Variants in DTNBP1 observed in about 807,000 individuals in gnomAD.
DTNBP1 encodes the protein dysbindin.
A neutral mutation model predicts 42.8 loss-of-function variants in DTNBP1; 35 were observed. That is an observed-to-expected ratio of 0.82 (90% CI 0.63 to 1.09). The LOEUF (loss-of-function observed/expected upper bound fraction) is 1.09. DTNBP1 is among the 50% of genes least tolerant of loss of function. The probability of loss-of-function intolerance (pLI) is 0.00; values close to 1 mark genes in which losing one functional copy is unlikely to be tolerated. For missense variants in DTNBP1, 457 were observed against 424.2 expected, an observed-to-expected ratio of 1.08 and a Z score of -0.68; for synonymous variants, 171 against 162.2, an observed-to-expected ratio of 1.05 and a Z score of -0.41.
chr6:15,650,215 TGGCACATTA>T (rs1446952654), intron 3 of DTNBP1, among the ~76,000 whole-genome samples: 2 of 152,224 alleles, frequency 1.3e-5, no homozygotes, highest in Non-Finnish European at 2.9e-5. Flanking sequence ...ATCTGTCAAA[TGGCACATTA>T]GTAAGCACAG....
chr6:15,533,610 T>C (rs1408455694), intron 7 of DTNBP1: 6 of 723,250 alleles, frequency 8.3e-6, no homozygotes, highest in Non-Finnish European at 1.2e-5. Flanking sequence ...AGGCCCTTCG[T>C]TCCACACCTT....
intron 7 of DTNBP1, among the ~76,000 whole-genome samples, chr6:15,566,777 T>G (rs1444557844): frequency 6.7e-6 from 1 of 149,762 alleles, no homozygotes; most frequent in Non-Finnish European, 1.5e-5. Context: ...CTTGACTCAC[T>G]GCAACCTATG....
At chr6:15,644,438 G>A (rs1760558657) in intron 3 of DTNBP1, among the ~76,000 whole-genome samples, 1 of 152,108 alleles carries the variant, frequency 6.6e-6, no homozygotes, top group Non-Finnish European at 1.5e-5. Flanking sequence ...GGACCTAATG[G>A]ACATCTACAG....
At chr6:15,533,661 G>A (rs745313276) in intron 7 of DTNBP1, 13 of 597,444 alleles carry the variant, frequency 2.2e-5, no homozygotes, top group Admixed American at 6.5e-5. Context: ...CTTCCCACCC[G>A]CATCGCCCAT....
intron 6 of DTNBP1, among the ~76,000 whole-genome samples, chr6:15,598,607 A>G (rs1324995455): frequency 2.0e-5 from 3 of 150,842 alleles, no homozygotes; most frequent in South Asian, 4.2e-4. Flanking sequence ...AGAAAGAAGC[A>G]TCTACCATTC....
At chr6:15,594,162 T>G (rs1251717117) in intron 6 of DTNBP1, among the ~76,000 whole-genome samples, 1 of 152,160 alleles carries the variant, frequency 6.6e-6, no homozygotes, top group Non-Finnish European at 1.5e-5. Flanking sequence ...TTCAATCCTA[T>G]TTTTTCAAAA....
At chr6:15,623,984 T>C (rs763553040) in intron 5 of DTNBP1, among the ~76,000 whole-genome samples, 2 of 152,248 alleles carry the variant, frequency 1.3e-5, no homozygotes, top group Non-Finnish European at 2.9e-5. Context: ...ATAATGGTTT[T>C]GTGAATTCGC....
intron 6 of DTNBP1, among the ~76,000 whole-genome samples, chr6:15,609,742 A>G (rs1758288920): frequency 6.6e-6 from 1 of 152,226 alleles, no homozygotes; most frequent in Non-Finnish European, 1.5e-5. Context: ...TCTTAATTGA[A>G]TATGATTCCT....
At position 15,533,284 on chromosome 6, in the gene DTNBP1, T is replaced by C. The variant is rs773151898; in HGVS notation, c.623A>G (p.Glu208Gly). The stretch of plus-strand genomic sequence containing the variant: ...CAGGTAGCCAGTGGACAGGTACTGC[T>C]CCATGTCCTGCTGGAAGGCTTCCTC... ...FFEEAFQQDM[E>G]QYLSTGYLQI... is the part of the protein sequence containing the mutation. The change falls in exon 8 of 10, where the codon GAG becomes GGG. Residue 208 changes from glutamate to glycine, a missense_variant. Physicochemically the swap from Glu to Gly is moderately conservative, Grantham distance 98 (BLOSUM62 -2). Transcript: ENST00000344537. The C allele has an allele frequency of 4.3e-6, 7 of 1,614,032 alleles. No individual in the cohort carries two copies. Among genetic ancestry groups the C allele is most frequent in the African/African-American group, 4.0e-5 (3 of 74,918 alleles).
At chr6:15,552,002 A>G (rs1426849257) in intron 7 of DTNBP1, among the ~76,000 whole-genome samples, 1 of 152,210 alleles carries the variant, frequency 6.6e-6, no homozygotes, top group Non-Finnish European at 1.5e-5. Flanking sequence ...AAACACCAGC[A>G]TGCCATTCTA....
intron 7 of DTNBP1, among the ~76,000 whole-genome samples, chr6:15,592,015 G>A (rs1399022419): frequency 6.6e-6 from 1 of 152,098 alleles, no homozygotes; most frequent in African/African-American, 2.4e-5. Flanking sequence ...CAACAAACTG[G>A]CCATGAACTT....
intron 4 of DTNBP1, among the ~76,000 whole-genome samples, chr6:15,629,109 A>G (rs1187851775): frequency 6.6e-6 from 1 of 152,210 alleles, no homozygotes; most frequent in Admixed American, 6.5e-5. Context: ...AAAAACAGCT[A>G]AAATGCAGTA....
chr6:15,591,200 C>T (rs1168712685), intron 7 of DTNBP1, among the ~76,000 whole-genome samples: 1 of 151,712 alleles, frequency 6.6e-6, no homozygotes, highest in Non-Finnish European at 1.5e-5. Flanking sequence ...ACCTCCACCT[C>T]CCAGGTTCAA....
At chr6:15,653,600 T>C (rs977633444) in intron 1 of DTNBP1, among the ~76,000 whole-genome samples, 1 of 152,250 alleles carries the variant, frequency 6.6e-6, no homozygotes, top group Non-Finnish European at 1.5e-5. Context: ...TTATTTTCAC[T>C]TCACTGGCCC....
intron 7 of DTNBP1, among the ~76,000 whole-genome samples, chr6:15,538,159 G>A (rs141777084): frequency 1.5e-4 from 23 of 152,240 alleles, no homozygotes; most frequent in African/African-American, 5.5e-4. Flanking sequence ...CTCCTTAAAG[G>A]GGGAACATCT....
chr6:15,615,378 T>C lies in DTNBP1; in HGVS notation c.377A>G (p.Glu126Gly). ...ATGCAGCAGGTTGTTCTCTACCTCC[T>C]CAAAACTCGCCTCTAAATGAGCTGA... ...ANLTHLEASF[E>G]EVENNLLHLE... Residue 126 changes from glutamate (E) to glycine (G), a missense_variant, in exon 6 of 10, where the codon GAG becomes GGG. By Grantham distance (98) the Glu-to-Gly change is moderately conservative (BLOSUM62 -2). Coordinates refer to ENST00000344537, the MANE Select transcript of DTNBP1 (RefSeq NM_032122.5). 3.1e-6 allele frequency: 5 copies of C among 1,614,028 alleles called. No individual in the cohort carries two copies. The highest frequency in any genetic ancestry group is 4.2e-6 in the Non-Finnish European group (5 of 1,179,996).
chr6:15,539,531 T>G (rs771829661), intron 7 of DTNBP1, among the ~76,000 whole-genome samples: 1 of 152,118 alleles, frequency 6.6e-6, no homozygotes, highest in Non-Finnish European at 1.5e-5. Context: ...GTGTGGCTGT[T>G]TTTCTGGTCA....
At chr6:15,639,880 T>A (rs1387214357) in intron 3 of DTNBP1, among the ~76,000 whole-genome samples, 3 of 152,078 alleles carry the variant, frequency 2.0e-5, no homozygotes, top group Non-Finnish European at 4.4e-5. Flanking sequence ...AAAGAGAAAA[T>A]TAATCCTCAC....
rs776265464 is a variant in DTNBP1 at position 15,523,182 on chromosome 6, G to A, written c.849C>T (p.Leu283=). The change falls in exon 10 of 10, where the codon CTC becomes CTT. Residue 283 remains leucine (L), a synonymous_variant. Transcript: ENST00000344537. ...ESSTCQNEIT[L]QVPNPSELRA... ...TTAATTCTGAGGGATTTGGAACCTG[G>A]AGGGTAATCTCATTCTGACAGGTAC... 9 of 1,614,138 alleles carry A rather than the reference G, an allele frequency of 5.6e-6. No individual in the cohort carries two copies. The African/African-American group carries it at 1.1e-4, about 19-fold the overall frequency.
Sources: gnomAD v4.1 joint callset for allele counts (sites outside exome capture counted in the v4.1 genomes callset) on GRCh38, gnomAD v4.1.1 for gene constraint, MANE v1.5 for transcripts, NCBI Gene and HGNC (gene_info 2026-07-23, HGNC 2026-07-21) for gene names.